PDILT: variants seen among roughly 807,000 people sequenced by gnomAD.
PDILT encodes the protein protein disulfide-isomerase-like protein of the testis.
In PDILT, 43 loss-of-function variants were observed where a neutral mutation model predicts 53.7. That is an observed-to-expected ratio of 0.80 (90% CI 0.63 to 1.03). The LOEUF is 1.03. PDILT is among the 50% of genes least tolerant of loss of function. The pLI is 0.00. For synonymous variants in PDILT, 282 were observed against 274.2 expected, an observed-to-expected ratio of 1.03 and a Z score of -0.28; for missense variants, 727 against 712.3, an observed-to-expected ratio of 1.02 and a Z score of -0.24.
At chr16:20,377,536 G>A (rs1179217367) in intron 3 of PDILT, among the ~76,000 whole-genome samples, 2 of 152,164 alleles carry the variant, frequency 1.3e-5, no homozygotes, top group African/African-American at 2.4e-5. Flanking sequence ...ATGAACAAGG[G>A]CATCATTACA....
chr16:20,363,974 C>T (rs1208443910), intron 9 of PDILT, among the ~76,000 whole-genome samples: 3 of 152,132 alleles, frequency 2.0e-5, no homozygotes, highest in Non-Finnish European at 4.4e-5. Flanking sequence ...GAAATGGCCT[C>T]AAAAGCCCCC....
At chr16:20,400,903 T>G (rs1226555298) in intron 1 of PDILT, among the ~76,000 whole-genome samples, 1 of 152,218 alleles carries the variant, frequency 6.6e-6, no homozygotes, top group Non-Finnish European at 1.5e-5. Context: ...ATCAAATATC[T>G]AGACAGTGTG....
intron 3 of PDILT, among the ~76,000 whole-genome samples, chr16:20,381,818 T>A (rs1966465538): frequency 6.6e-6 from 1 of 151,970 alleles, no homozygotes. Flanking sequence ...CCAGCAGAAA[T>A]ATGGGTGGGT....
intron 2 of PDILT, chr16:20,389,041 G>A (rs957912475): frequency 1.3e-5 from 2 of 152,158 alleles, no homozygotes; most frequent in African/African-American, 4.8e-5. Context: ...CTGGTCAACT[G>A]GAAATGCCAG....
Position 20,373,062 on chromosome 16 carries a change from G to A in PDILT, c.742C>T (p.Arg248Cys), listed in dbSNP as rs1362816637. Residue 248 changes from arginine to cysteine, a missense_variant, in exon 6 of 12, where the codon CGT (arginine) becomes TGT (cysteine). Arg to Cys is a radical substitution (Grantham distance 180). Coordinates refer to ENST00000302451, the MANE Select transcript of PDILT (RefSeq NM_174924.2). ...TCTGTAAGGTGCTGTTTTATGACAC[G>A]ATTGAGTTCCTGTTTGTTGGTACTG... ...NDSTNKQELN[R>C]VIKQHLTDFV... 3.1e-6 allele frequency: 5 copies of A among 1,614,124 alleles called. No individual in the cohort carries two copies. The highest frequency in any genetic ancestry group is 1.7e-5 in the Admixed American group (1 of 60,022).
At chr16:20,371,008 G>A (rs1029902912) in intron 7 of PDILT, among the ~76,000 whole-genome samples, 9 of 152,324 alleles carry the variant, frequency 5.9e-5, no homozygotes, top group Middle Eastern at 6.8e-3. Flanking sequence ...TCTGTCTATG[G>A]AGTACCCATT....
At chr16:20,361,887 G>T (rs1268088301) in intron 10 of PDILT, among the ~76,000 whole-genome samples, 2 of 152,206 alleles carry the variant, frequency 1.3e-5, no homozygotes, top group Non-Finnish European at 2.9e-5. Flanking sequence ...AGGAACCTGG[G>T]CTCACATTTC....
rs1189307859 is a variant in PDILT, at chr16:20,366,987, C to CCTTTCTTT, written c.1117-1455_1117-1448dup. ...TCCTTCCTTCCTTCCTTCCTTCCTT[C>CCTTTCTTT]CTTTCTTTCTTTCTTTATTTATTTC... On this transcript the variant is annotated intron_variant, in intron 8 of 11. Coordinates refer to ENST00000302451, the MANE Select transcript of PDILT (RefSeq NM_174924.2). Among the ~76,000 whole-genome samples, 5 of 82,992 alleles carry CCTTTCTTT rather than the reference C, an allele frequency of 6.0e-5. 1 individual carries two copies. Among genetic ancestry groups the CCTTTCTTT allele is most frequent in the Admixed American group, 2.2e-4 (2 of 9,134 alleles). 54.4% of individuals were successfully genotyped at this position (82,992 alleles called of 152,430 possible). A position where few individuals can be genotyped will look rare whatever the true frequency, so the allele number is the denominator to read the frequency against.
chr16:20,361,924 G>T (rs1277223096), intron 10 of PDILT, among the ~76,000 whole-genome samples: 1 of 152,212 alleles, frequency 6.6e-6, no homozygotes, highest in Admixed American at 6.5e-5. Context: ...TCCCATGCAT[G>T]GACATGGCAT....
At chr16:20,394,020 G>A (rs1366405601) in intron 2 of PDILT, among the ~76,000 whole-genome samples, 1 of 152,114 alleles carries the variant, frequency 6.6e-6, no homozygotes, top group African/African-American at 2.4e-5. Flanking sequence ...TCAATGTTAT[G>A]GGAAAGAGGA....
At chr16:20,387,194 A>T (rs1002271580) in intron 2 of PDILT, among the ~76,000 whole-genome samples, 9 of 152,256 alleles carry the variant, frequency 5.9e-5, no homozygotes, top group Non-Finnish European at 1.3e-4. Flanking sequence ...AAAAGGCAGA[A>T]AATAAGCAGA....
chr16:20,370,674 T>G (rs1440197552), intron 7 of PDILT, among the ~76,000 whole-genome samples: 2 of 152,182 alleles, frequency 1.3e-5, no homozygotes, highest in Non-Finnish European at 2.9e-5. Context: ...GGGGCTCCTT[T>G]CCCAGACGAT....
At chr16:20,362,729 T>A in intron 9 of PDILT, 147 bp from the exon 10 acceptor site, 1 of 659,482 alleles carries the variant, frequency 1.5e-6, no homozygotes, top group East Asian at 2.8e-5. Flanking sequence ...TATATTAGAT[T>A]ATTTTTACAT....
At chr16:20,390,453 G>A (rs1269953295) in intron 2 of PDILT, among the ~76,000 whole-genome samples, 3 of 151,994 alleles carry the variant, frequency 2.0e-5, no homozygotes, top group African/African-American at 7.3e-5. Context: ...ACCTTTCCAG[G>A]GAGGCTGTCC....
In PDILT at chr16:20,376,171, C is replaced by T; in HGVS notation, c.440G>A (p.Trp147Ter). 6.2e-7 allele frequency: 1 copy of T among 1,614,156 alleles called. No homozygotes were observed. Among genetic ancestry groups the T allele is most frequent in the South Asian group, 1.1e-5 (1 of 91,078 alleles). The change falls in exon 4 of 12, where the codon TGG (tryptophan) becomes TAG (stop). Residue 147 changes from tryptophan (W) to a stop codon, truncating the protein, a stop_gained. Coordinates refer to ENST00000302451, the MANE Select transcript of PDILT (RefSeq NM_174924.2). LOFTEE classifies it high-confidence loss of function. ...GVVESAALVV[W>*]LRRQISQKAF... ...TTTCTGGCTAATTTGTCGTCTCAAC[C>T]AAACGACTAAGGCAGCAGATTCAAC...
chr16:20,395,679 G>GTA (rs534926715), intron 2 of PDILT, among the ~76,000 whole-genome samples: 100 of 152,260 alleles, frequency 6.6e-4, no homozygotes, highest in African/African-American at 2.3e-3. Flanking sequence ...GGCCTAATAG[G>GTA]AGGTGTTTGG....
Position 20,373,083 on chromosome 16 carries a change from T to G in PDILT, c.721A>C (p.Thr241Pro), listed in dbSNP as rs769309920. The change falls in exon 6 of 12, where the codon ACC becomes CCC. Residue 241 changes from threonine (T) to proline (P), a missense_variant. Thr to Pro is a conservative substitution (Grantham distance 38). Coordinates refer to ENST00000302451, the MANE Select transcript of PDILT (RefSeq NM_174924.2). ...VNRQKLINDS[T>P]NKQELNRVIK... ...ACACGATTGAGTTCCTGTTTGTTGG[T>G]ACTGTCATTAATAAGCTTTTGGCGG... 1.9e-6 allele frequency: 3 copies of G among 1,614,040 alleles called. No individual in the cohort carries two copies. Among genetic ancestry groups the G allele is most frequent in the Non-Finnish European group, 1.7e-6 (2 of 1,179,996 alleles).
chr16:20,374,113 T>TC (rs1966347602), intron 5 of PDILT, among the ~76,000 whole-genome samples: 1 of 134,846 alleles, frequency 7.4e-6, no homozygotes, highest in East Asian at 2.0e-4. Flanking sequence ...TTGAATAACT[T>TC]TTTTTTTTTT....
chr16:20,369,576 G>C lies in PDILT; in HGVS notation c.1032C>G (p.Asp344Glu). ...CATCTGAAGGCATTTTGTACCTGGC[G>C]TCAGAGCTCAAGTTTAGGATTTGGA... is the stretch of plus-strand genomic sequence containing the variant. ...PSVQILNLSS[D>E]ARYKMPSDDI... The change falls in exon 8 of 12, where the codon GAC becomes GAG. Residue 344 changes from aspartate (D) to glutamate (E), a missense_variant. By Grantham distance (45) the Asp-to-Glu change is conservative. Coordinates refer to ENST00000302451, the MANE Select transcript of PDILT (RefSeq NM_174924.2). 1 of 1,614,190 alleles carries C rather than the reference G, an allele frequency of 6.2e-7. No homozygotes were observed. The highest frequency in any genetic ancestry group is 8.5e-7 in the Non-Finnish European group (1 of 1,180,018).
Sources: gnomAD v4.1 joint callset for allele counts (sites outside exome capture counted in the v4.1 genomes callset) on GRCh38, gnomAD v4.1.1 for gene constraint, MANE v1.5 for transcripts, NCBI Gene and HGNC (gene_info 2026-07-23, HGNC 2026-07-21) for gene names.